Variants in LGSN observed in about 807,000 individuals in gnomAD.
LGSN encodes the protein lengsin.
In LGSN, 21 loss-of-function variants were observed where a neutral mutation model predicts 19.5. That is an observed-to-expected ratio of 1.07 (90% CI 0.76 to 1.55). LGSN has a LOEUF of 1.55. Ranked by LOEUF, LGSN falls within the 40% of genes most tolerant of loss-of-function variation. The pLI is 0.00. For missense variants in LGSN, 673 were observed against 608.5 expected, an observed-to-expected ratio of 1.11 and a Z score of -1.12; for synonymous variants, 257 against 215.6, an observed-to-expected ratio of 1.19 and a Z score of -1.68.
chr6:63,541,026 A>AAAGG, the LGSN span, among the ~76,000 whole-genome samples: 5,711 of 146,476 alleles, frequency 0.039, 129 homozygotes, highest in Non-Finnish European at 0.051. Context: ...GGGAATGAAG[A>AAAGG]AAGGAAGGAA....
At chr6:63,467,956 T>G in the LGSN span, among the ~76,000 whole-genome samples, 1 of 151,876 alleles carries the variant, frequency 6.6e-6, no homozygotes, top group African/African-American at 2.4e-5. Context: ...CCTCACTAAG[T>G]GCTGAAATTA....
At chr6:63,415,500 A>T in the LGSN span, among the ~76,000 whole-genome samples, 1 of 152,192 alleles carries the variant, frequency 6.6e-6, no homozygotes, top group African/African-American at 2.4e-5. Flanking sequence ...GTGCCGAGGG[A>T]AGGGGAAAGA....
the LGSN span, among the ~76,000 whole-genome samples, chr6:63,472,795 G>T: frequency 1.3e-5 from 2 of 151,944 alleles, no homozygotes; most frequent in Admixed American, 6.6e-5. Context: ...AAAAAAATTA[G>T]CCGGGCGTGG....
chr6:63,479,738 TCAAA>T, the LGSN span, among the ~76,000 whole-genome samples: 12 of 151,104 alleles, frequency 7.9e-5, no homozygotes, highest in Non-Finnish European at 8.9e-5. Flanking sequence ...AGACTCCGTC[TCAAA>T]CAAACAAACA....
the LGSN span, among the ~76,000 whole-genome samples, chr6:63,328,291 ATAAG>A: frequency 1.3e-5 from 2 of 152,236 alleles, no homozygotes; most frequent in African/African-American, 2.4e-5. Context: ...CTTGGGCGGC[ATAAG>A]TCTGGACTAT....
chr6:63,497,528 G>A, the LGSN span, among the ~76,000 whole-genome samples: 1 of 152,110 alleles, frequency 6.6e-6, no homozygotes, highest in Admixed American at 6.5e-5. Flanking sequence ...ACTCCAGCCT[G>A]GGTGGCAGAG....
At chr6:63,553,696 T>C in the LGSN span, among the ~76,000 whole-genome samples, 2 of 152,328 alleles carry the variant, frequency 1.3e-5, no homozygotes, top group South Asian at 4.1e-4. Context: ...AATTGGAATT[T>C]AGTATCTTTG....
chr6:63,296,269 C>A (rs1172137858), intron 1 of LGSN, among the ~76,000 whole-genome samples: 3 of 151,650 alleles, frequency 2.0e-5, no homozygotes, highest in Non-Finnish European at 4.4e-5. Flanking sequence ...CTCCAAATAA[C>A]CTTATATTTG....
At chr6:63,525,772 CT>C in the LGSN span, among the ~76,000 whole-genome samples, 2 of 152,168 alleles carry the variant, frequency 1.3e-5, no homozygotes, top group African/African-American at 2.4e-5. Context: ...CCTTTTTCCC[CT>C]GTCAGTCCTC....
At chr6:63,368,825 C>T in the LGSN span, among the ~76,000 whole-genome samples, 1 of 152,174 alleles carries the variant, frequency 6.6e-6, no homozygotes, top group African/African-American at 2.4e-5. Flanking sequence ...CTGCAAAATA[C>T]ATATTTGCAT....
At chr6:63,487,113 G>A in the LGSN span, among the ~76,000 whole-genome samples, 5 of 152,100 alleles carry the variant, frequency 3.3e-5, no homozygotes, top group Non-Finnish European at 5.9e-5. Flanking sequence ...GGGATTACAG[G>A]TGTGAGCCAC....
the LGSN span, among the ~76,000 whole-genome samples, chr6:63,458,192 C>T: frequency 7.2e-5 from 11 of 152,168 alleles, no homozygotes; most frequent in Admixed American, 3.9e-4. Context: ...CTCAGCCTCC[C>T]GAGTAGCTGG....
chr6:63,454,237 C>T, the LGSN span, among the ~76,000 whole-genome samples: 1 of 152,036 alleles, frequency 6.6e-6, no homozygotes, highest in Non-Finnish European at 1.5e-5. Context: ...CACAGTAAGG[C>T]TATTAGCATT....
the LGSN span, among the ~76,000 whole-genome samples, chr6:63,377,351 C>T: frequency 3.9e-5 from 6 of 152,252 alleles, no homozygotes; most frequent in East Asian, 1.2e-3. Flanking sequence ...AACTGCATGC[C>T]CTGAAGGCAA....
chr6:63,300,399 G>A (rs1195569448), intron 1 of LGSN, among the ~76,000 whole-genome samples: 2 of 152,164 alleles, frequency 1.3e-5, no homozygotes, highest in African/African-American at 4.8e-5. Context: ...AGGAGCAATG[G>A]CTCATTCCTA....
upstream of LGSN, among the ~76,000 whole-genome samples, chr6:63,322,496 TTTG>T (rs1341045651): frequency 6.6e-6 from 1 of 152,174 alleles, no homozygotes; most frequent in Non-Finnish European, 1.5e-5. Context: ...TTTCTCCCGA[TTTG>T]TTGTTGTTCT....
chr6:63,314,057 A>G lies in LGSN; in HGVS notation c.30+5857T>C, dbSNP rs117310022. Among the ~76,000 whole-genome samples the G allele has an allele frequency of 1.9e-3, 290 of 152,240 alleles. 3 individuals carry two copies. The East Asian group carries it at 0.031, about 16-fold the overall frequency. On this transcript the variant is annotated intron_variant, in intron 1 of 3. Coordinates refer to ENST00000370657, the MANE Select transcript of LGSN (RefSeq NM_016571.3). The stretch of plus-strand genomic sequence containing the variant: ...AATTAACTTTAATACATTTTCCTCT[A>G]TCAGAGGAAGGAAAAGGGGTAGATC...
chr6:63,546,408 A>G, the LGSN span, among the ~76,000 whole-genome samples: 4 of 152,298 alleles, frequency 2.6e-5, no homozygotes, highest in Non-Finnish European at 5.9e-5. Flanking sequence ...GATGTTGTTT[A>G]AAGAGTACAA....
the LGSN span, chr6:63,572,649 G>T: frequency 2.4e-6 from 1 of 413,724 alleles, no homozygotes; most frequent in East Asian, 3.5e-5. Flanking sequence ...CACCGCCACC[G>T]CCTGTGTCGC....
Sources: allele counts gnomAD v4.1 joint callset (sites outside exome capture counted in the v4.1 genomes callset), GRCh38; gene constraint gnomAD v4.1.1; transcripts MANE v1.5; gene names NCBI Gene and HGNC (gene_info 2026-07-23, HGNC 2026-07-21).